The following PCDH15 variants were observed in gnomAD, a reference collection of about 807,000 sequenced individuals.
The protein encoded by PCDH15 is protocadherin related 15.
Under a neutral mutation model 178.5 loss-of-function variants are expected in PCDH15, and 129 were observed. The ratio of observed to expected loss-of-function variants is 0.72; its 90% CI spans 0.63 to 0.84. PCDH15 has a LOEUF of 0.84. Ranked by LOEUF, PCDH15 falls within the 40% of genes least tolerant of loss-of-function variation. PCDH15 has a pLI of 0.00. For synonymous variants in PCDH15, 800 were observed against 732.0 expected (o/e 1.09, Z -1.50); for missense variants, 2,230 against 2,099.9 (o/e 1.06, Z -1.21).
chr10:55,077,425 T>TCCTTCCTTCCTTTCATCCTTCCTTC (rs1841928398), intron 2 of PCDH15, among the ~76,000 whole-genome samples: 5 of 149,620 alleles, frequency 3.3e-5, no homozygotes, highest in African/African-American at 1.3e-4. Context: ...CTTCCTTCCT[T>TCCTTCCTTCCTTTCATCCTTCCTTC]CCTTCCTTCC....
chr10:54,570,486 A>T (rs1450739457), intron 2 of PCDH15, among the ~76,000 whole-genome samples: 5 of 152,102 alleles, frequency 3.3e-5, no homozygotes, highest in Non-Finnish European at 5.9e-5. Context: ...ACTTAATTTC[A>T]ACTTACTGAT....
chr10:54,853,282 T>C (rs1238891476), intron 3 of PCDH15, among the ~76,000 whole-genome samples: 1 of 65,140 alleles, frequency 1.5e-5, no homozygotes, highest in Admixed American at 1.8e-4. Context: ...TATGTGTATG[T>C]ATGTGTGTAT....
chr10:54,282,056 C>T (rs1392809038), intron 8 of PCDH15, among the ~76,000 whole-genome samples: 1 of 152,086 alleles, frequency 6.6e-6, no homozygotes, highest in African/African-American at 2.4e-5. Context: ...TTTACTACTA[C>T]AGACTGTTGC....
intron 3 of PCDH15, among the ~76,000 whole-genome samples, chr10:54,499,512 A>AG (rs2080444986): frequency 6.6e-6 from 1 of 152,184 alleles, no homozygotes; most frequent in Admixed American, 6.6e-5. Flanking sequence ...ATCAATACCA[A>AG]GAACATCTCT....
intron 26 of PCDH15, among the ~76,000 whole-genome samples, chr10:53,888,289 T>TATATATATATATATAC (rs756987649): frequency 0.013 from 713 of 54,598 alleles, 13 homozygotes; most frequent in Middle Eastern, 0.045. Context: ...ACACTATATA[T>TATATATATATATATAC]ACATATATAT....
chr10:55,222,730 C>CACACACACACAT, intron 1 of PCDH15, among the ~76,000 whole-genome samples: 3 of 121,264 alleles, frequency 2.5e-5, no homozygotes, highest in African/African-American at 6.8e-5. Flanking sequence ...CACACACACA[C>CACACACACACAT]ATATATATAT....
chr10:54,726,468 G>A (rs1398390362), intron 1 of PCDH15, among the ~76,000 whole-genome samples: 1 of 145,076 alleles, frequency 6.9e-6, no homozygotes, highest in Non-Finnish European at 1.5e-5. Flanking sequence ...GTGTGTATTT[G>A]AATTGACAGT....
chr10:54,420,775 G>A (rs1955160712), intron 3 of PCDH15, among the ~76,000 whole-genome samples: 1 of 152,012 alleles, frequency 6.6e-6, no homozygotes, highest in African/African-American at 2.4e-5. Context: ...GAAATACTGA[G>A]AATAGTTGAT....
At chr10:54,202,044 G>A (rs115907291) in intron 10 of PCDH15, among the ~76,000 whole-genome samples, 1 of 151,992 alleles carries the variant, frequency 6.6e-6, no homozygotes, top group Non-Finnish European at 1.5e-5. Flanking sequence ...ATGCAAAAAG[G>A]CCTATTTATA....
chr10:55,053,797 C>A (rs996751295), intron 2 of PCDH15, among the ~76,000 whole-genome samples: 5 of 152,088 alleles, frequency 3.3e-5, no homozygotes, highest in African/African-American at 1.2e-4. Flanking sequence ...TGTTAGTGTT[C>A]AGAACATGTT....
intron 1 of PCDH15, among the ~76,000 whole-genome samples, chr10:55,283,846 AAAG>A (rs1483454468): frequency 2.0e-5 from 3 of 152,150 alleles, no homozygotes; most frequent in African/African-American, 7.2e-5. Flanking sequence ...CTAAGTGGAA[AAAG>A]AAGAACAACT....
chr10:54,553,979 T>C (rs1452274191), intron 2 of PCDH15, among the ~76,000 whole-genome samples: 1 of 152,282 alleles, frequency 6.6e-6, no homozygotes, highest in African/African-American at 2.4e-5. Context: ...TTTCCATGAC[T>C]GTCTTTCAAA....
intron 2 of PCDH15, among the ~76,000 whole-genome samples, chr10:55,421,161 G>T (rs1202961791): frequency 6.6e-6 from 1 of 151,248 alleles, no homozygotes; most frequent in Non-Finnish European, 1.5e-5. Context: ...AAGTCAGAAA[G>T]CATTCAGTAG....
intron 2 of PCDH15, among the ~76,000 whole-genome samples, chr10:55,541,349 C>G (rs990821894): frequency 6.6e-6 from 1 of 151,918 alleles, no homozygotes; most frequent in Non-Finnish European, 1.5e-5. Context: ...ATACCCAGTA[C>G]TCTTATAATC....
rs1200884535 is a variant in PCDH15 at position 54,051,506 on chromosome 10, G to C, written c.2220+15251C>G. Reference sequence around the variant, plus strand: ...TCGCTCCTGCTATGCAAAGAGACTAGAAGCATTTTGCCCCTACCCCAGATA... The same window carrying C: ...TCGCTCCTGCTATGCAAAGAGACTACAAGCATTTTGCCCCTACCCCAGATA... On this transcript the variant is annotated intron_variant, in intron 18 of 37. Coordinates refer to ENST00000644397, the MANE Select transcript of PCDH15 (RefSeq NM_001384140.1). 6.6e-5 allele frequency among the ~76,000 whole-genome samples: 10 copies of C among 152,154 alleles called. No homozygotes were observed. In the East Asian group the frequency reaches 1.9e-3, roughly 29 times the overall value.
At chr10:55,521,021 A>G (rs1841162490) in intron 2 of PCDH15, among the ~76,000 whole-genome samples, 1 of 151,972 alleles carries the variant, frequency 6.6e-6, no homozygotes, top group Admixed American at 6.6e-5. Flanking sequence ...AGCTACAGTC[A>G]CCATGCTGTA....
intron 2 of PCDH15, among the ~76,000 whole-genome samples, chr10:54,633,978 A>G (rs1401085109): frequency 6.6e-6 from 1 of 152,114 alleles, no homozygotes; most frequent in Non-Finnish European, 1.5e-5. Flanking sequence ...CAAGATGCCC[A>G]TGCACCAGCC....
chr10:55,528,544 A>T (rs899696914), intron 2 of PCDH15, among the ~76,000 whole-genome samples: 8 of 152,106 alleles, frequency 5.3e-5, no homozygotes, highest in African/African-American at 1.4e-4. Flanking sequence ...TGTCCCTACA[A>T]AGGACATGAA....
At chr10:54,797,281 T>G (rs1160237597) in intron 1 of PCDH15, among the ~76,000 whole-genome samples, 1 of 152,052 alleles carries the variant, frequency 6.6e-6, no homozygotes, top group African/African-American at 2.4e-5. Flanking sequence ...GCTTTGAACT[T>G]TTCCATTTAC....
Sources: gnomAD v4.1 joint callset for allele counts (sites outside exome capture counted in the v4.1 genomes callset) on GRCh38, gnomAD v4.1.1 for gene constraint, MANE v1.5 for transcripts, NCBI Gene and HGNC (gene_info 2026-07-23, HGNC 2026-07-21) for gene names.